Variants in PCDH15 observed in about 807,000 individuals in gnomAD.
PCDH15 encodes the protein protocadherin related 15.
PCDH15 carries 129 observed loss-of-function variants against 178.5 expected under a neutral mutation model. The ratio of observed to expected loss-of-function variants is 0.72; its 90% CI spans 0.63 to 0.84. PCDH15 has a LOEUF of 0.84. Among genes scored for constraint, PCDH15 ranks in the 40% least tolerant of loss-of-function variants. PCDH15 has a pLI of 0.00. For synonymous variants in PCDH15, 800 were observed against 732.0 expected (o/e 1.09, Z -1.50); for missense variants, 2,230 against 2,099.9 (o/e 1.06, Z -1.21).
intron 1 of PCDH15, among the ~76,000 whole-genome samples, chr10:55,256,392 C>T (rs1841999755): frequency 6.6e-6 from 1 of 152,136 alleles, no homozygotes; most frequent in African/African-American, 2.4e-5. Context: ...ACAGTGGGTG[C>T]AGCACACCGA....
In PCDH15 at chr10:55,186,743, CTGTG is replaced by C. The variant is rs71014463; in HGVS notation, c.-155-20096_-155-20093del. On this transcript the variant is annotated intron_variant, in intron 1 of 5. Transcript: ENST00000458638. Reference sequence around the variant, plus strand: ...TTAACAGTTTACCACATACTCTCCTCTGTGTGTGTGTGTGTGTATTTTTTTTTCC... The same window carrying C: ...TTAACAGTTTACCACATACTCTCCTCTGTGTGTGTGTGTATTTTTTTTTCC... Among the ~76,000 whole-genome samples, 1,488 of 150,338 alleles carry C rather than the reference CTGTG, an allele frequency of 9.9e-3. 28 individuals are homozygous for C. Among genetic ancestry groups the C allele is most frequent in the African/African-American group, 0.035 (1,424 of 41,058 alleles).
intron 1 of PCDH15, among the ~76,000 whole-genome samples, chr10:54,731,405 C>T (rs1943310986): frequency 6.7e-6 from 1 of 149,998 alleles, no homozygotes; most frequent in African/African-American, 2.4e-5. Context: ...CCAGCATTTC[C>T]ACTATTAGGT....
intron 29 of PCDH15, among the ~76,000 whole-genome samples, chr10:53,839,031 C>A (rs371286519): frequency 2.0e-5 from 3 of 151,524 alleles, no homozygotes; most frequent in Non-Finnish European, 4.4e-5. Flanking sequence ...GGTAAAACCC[C>A]GTCTCTACTA....
chr10:54,040,456 G>A (rs2093518336), intron 18 of PCDH15, among the ~76,000 whole-genome samples: 1 of 152,018 alleles, frequency 6.6e-6, no homozygotes. Flanking sequence ...CCCCAGCCAT[G>A]TGGAACTGTG....
intron 3 of PCDH15, among the ~76,000 whole-genome samples, chr10:54,511,059 C>T (rs996822970): frequency 3.3e-5 from 5 of 152,106 alleles, no homozygotes; most frequent in African/African-American, 1.2e-4. Context: ...CATGATTTTA[C>T]CGTTACCTTT....
intron 2 of PCDH15, among the ~76,000 whole-genome samples, chr10:55,068,494 A>C (rs1841625798): frequency 6.6e-6 from 1 of 152,114 alleles, no homozygotes; most frequent in Non-Finnish European, 1.5e-5. Context: ...TGTTCACCAT[A>C]GGCGTGCACT....
chr10:55,362,590 T>C (rs914395718), intron 2 of PCDH15, among the ~76,000 whole-genome samples: 19 of 152,070 alleles, frequency 1.2e-4, no homozygotes, highest in Admixed American at 7.2e-4. Flanking sequence ...AACCATGAAA[T>C]TGATGGATAT....
chr10:55,199,946 G>A (rs1394654351), intron 1 of PCDH15, among the ~76,000 whole-genome samples: 4 of 152,254 alleles, frequency 2.6e-5, no homozygotes, highest in East Asian at 1.9e-4. Context: ...GAAATGCCTC[G>A]ATGTTCAGGC....
chr10:54,889,933 C>A (rs1473685796), intron 3 of PCDH15, among the ~76,000 whole-genome samples: 1 of 151,836 alleles, frequency 6.6e-6, no homozygotes, highest in Non-Finnish European at 1.5e-5. Flanking sequence ...AAATTAGAGA[C>A]ACATTAGCCA....
intron 26 of PCDH15, among the ~76,000 whole-genome samples, chr10:53,890,445 A>T: frequency 6.6e-6 from 1 of 152,118 alleles, no homozygotes; most frequent in Admixed American, 6.6e-5. Flanking sequence ...GAACAAAAAA[A>T]TTCTTTTGAT....
chr10:54,385,111 T>C (rs1949757583), intron 3 of PCDH15, among the ~76,000 whole-genome samples: 1 of 152,130 alleles, frequency 6.6e-6, no homozygotes, highest in African/African-American at 2.4e-5. Flanking sequence ...ATTTCTCCTC[T>C]GATTTCAGAT....
At chr10:55,156,604 T>C (rs1838897364) in intron 2 of PCDH15, among the ~76,000 whole-genome samples, 1 of 152,144 alleles carries the variant, frequency 6.6e-6, no homozygotes, top group African/African-American at 2.4e-5. Flanking sequence ...ACATGTAAAA[T>C]TGACTCTCTT....
chr10:54,320,338 C>A (rs1048698137), intron 7 of PCDH15, among the ~76,000 whole-genome samples: 1 of 151,970 alleles, frequency 6.6e-6, no homozygotes, highest in African/African-American at 2.4e-5. Flanking sequence ...CCCTTAGAAG[C>A]CTCCTCCCTC....
At position 54,598,455 on chromosome 10, in the gene PCDH15, GT is replaced by G. The variant is rs1244952939; in HGVS notation, c.91+65716del. On this transcript the variant is annotated intron_variant, in intron 2 of 37. Coordinates refer to ENST00000644397, the MANE Select transcript of PCDH15 (RefSeq NM_001384140.1). ...ATGTTAAAAACTCTTTACAAATTAGGTATTGAAGGAATATACCTCAAAATAA... is the reference window on the plus strand; with the variant it reads ...ATGTTAAAAACTCTTTACAAATTAGGATTGAAGGAATATACCTCAAAATAA... Among the ~76,000 whole-genome samples, 4 of 151,976 alleles carry G rather than the reference GT, an allele frequency of 2.6e-5. No homozygotes were observed. The East Asian group carries it at 5.8e-4, about 22-fold the overall frequency.
intron 1 of PCDH15, among the ~76,000 whole-genome samples, chr10:54,667,806 T>C (rs2135464817): frequency 6.6e-6 from 1 of 152,260 alleles, no homozygotes; most frequent in East Asian, 1.9e-4. Context: ...GTTATACTTG[T>C]TTTTTAAGAG....
chr10:53,988,955 G>C (rs2091289009), intron 21 of PCDH15, among the ~76,000 whole-genome samples: 1 of 152,160 alleles, frequency 6.6e-6, no homozygotes, highest in African/African-American at 2.4e-5. Context: ...AAAATTCGGA[G>C]AGACTTTGGC....
intron 2 of PCDH15, among the ~76,000 whole-genome samples, chr10:54,991,280 T>C (rs1365757281): frequency 2.0e-5 from 3 of 152,174 alleles, no homozygotes; most frequent in Non-Finnish European, 4.4e-5. Flanking sequence ...ATTAATGTAA[T>C]GTAACAATGA....
intron 2 of PCDH15, among the ~76,000 whole-genome samples, chr10:55,454,613 TAAAAATGCAAAAA>T (rs1156458528): frequency 2.5e-5 from 2 of 79,308 alleles, no homozygotes; most frequent in Non-Finnish European, 4.2e-5. Context: ...CCGTCTCTAC[TAAAAATGCAAAAA>T]AAAAAAAAAT....
intron 2 of PCDH15, among the ~76,000 whole-genome samples, chr10:55,073,085 G>A: frequency 1.3e-5 from 2 of 151,760 alleles, no homozygotes; most frequent in Non-Finnish European, 2.9e-5. Flanking sequence ...ATTAGGTATT[G>A]ATGGGACGTA....
Sources: allele counts gnomAD v4.1 joint callset (sites outside exome capture counted in the v4.1 genomes callset), GRCh38; gene constraint gnomAD v4.1.1; transcripts MANE v1.5; gene names NCBI Gene and HGNC (gene_info 2026-07-23, HGNC 2026-07-21).